The following ANK2 variants were observed in gnomAD, a reference collection of about 807,000 sequenced individuals.
ANK2 encodes the protein ankyrin-2.
A neutral mutation model predicts 360.5 loss-of-function variants in ANK2; 83 were observed. The ratio of observed to expected loss-of-function variants is 0.23; its 90% confidence interval spans 0.19 to 0.28. ANK2 has a LOEUF of 0.28. Among genes scored for constraint, ANK2 ranks in the 10% least tolerant of loss-of-function variants. The probability of loss-of-function intolerance (pLI) is 1.00; values close to 1 mark genes in which losing one functional copy is unlikely to be tolerated. For synonymous variants in ANK2, 1,740 were observed against 1,759.5 expected (o/e 0.99, Z 0.28); for missense variants, 4,201 against 4,795.7 (o/e 0.88, Z 3.66).
At chr4:113,325,834 A>G (rs1167390754) in intron 26 of ANK2, among the ~76,000 whole-genome samples, 1 of 152,224 alleles carries the variant, frequency 6.6e-6, no homozygotes, top group African/African-American at 2.4e-5. Context: ...TGTAACCTTA[A>G]GTGGTAACAG....
At chr4:112,781,323 C>G in the ANK2 span, among the ~76,000 whole-genome samples, 2 of 152,150 alleles carry the variant, frequency 1.3e-5, no homozygotes, top group Non-Finnish European at 2.9e-5. Context: ...TGCTCGTGAA[C>G]TCCAGACCTC....
chr4:113,165,034 T>A (rs1562548656), intron 1 of ANK2, among the ~76,000 whole-genome samples: 1 of 152,194 alleles, frequency 6.6e-6, no homozygotes, highest in African/African-American at 2.4e-5. Flanking sequence ...TGACCAGTGA[T>A]GATCCAAAAG....
At chr4:113,298,037 G>A (rs1329233585) in intron 22 of ANK2, among the ~76,000 whole-genome samples, 1 of 151,978 alleles carries the variant, frequency 6.6e-6, no homozygotes, top group East Asian at 1.9e-4. Context: ...CTCCCAAAAT[G>A]CTAGGATTAC....
intron 4 of ANK2, among the ~76,000 whole-genome samples, chr4:113,202,629 T>A (rs1355579441): frequency 6.6e-6 from 1 of 152,224 alleles, no homozygotes; most frequent in African/African-American, 2.4e-5. Context: ...ATTAAGAAGA[T>A]AACAAATTTT....
chr4:113,100,464 C>T (rs931216303), intron 1 of ANK2, among the ~76,000 whole-genome samples: 1 of 152,094 alleles, frequency 6.6e-6, no homozygotes, highest in Non-Finnish European at 1.5e-5. Flanking sequence ...AAATCCAAAA[C>T]ACTGGCAATA....
chr4:113,197,851 A>G (rs1168289142), intron 3 of ANK2, among the ~76,000 whole-genome samples: 1 of 152,196 alleles, frequency 6.6e-6, no homozygotes, highest in African/African-American at 2.4e-5. Context: ...CACATCAAAT[A>G]CATTTTAAAC....
In ANK2 at chr4:113,381,663, A is replaced by G. The variant is rs1297877792; in HGVS notation, c.*192A>G. 6.5e-7 allele frequency: 1 copy of G among 1,540,550 alleles called. No individual in the cohort carries two copies. Among genetic ancestry groups the G allele is most frequent in the Non-Finnish European group, 8.7e-7 (1 of 1,146,142 alleles). Reference sequence around the variant, plus strand: ...TGAGGGGCTGCCCAGTTCTCACACCAGAAACCACACATTCACTCAATATGC... The same window carrying G: ...TGAGGGGCTGCCCAGTTCTCACACCGGAAACCACACATTCACTCAATATGC... On this transcript the variant is annotated 3_prime_UTR_variant, in exon 46 of 46. Coordinates refer to ENST00000357077, the MANE Select transcript of ANK2 (RefSeq NM_001148.6).
At position 113,226,913 on chromosome 4, in the gene ANK2, T is replaced by C. The variant is rs184333621; in HGVS notation, c.385-5248T>C. On this transcript the variant is annotated intron_variant, in intron 4 of 45. Coordinates refer to ENST00000357077, the MANE Select transcript of ANK2 (RefSeq NM_001148.6). ...GCTGTGGATATCTTTGACTTTTTTA[T>C]ACCAAAAAGGAGAAAATGCATCTAT... Among the ~76,000 whole-genome samples, 4 of 152,310 alleles carry C rather than the reference T, an allele frequency of 2.6e-5. No individual in the cohort carries two copies. The South Asian group carries it at 6.2e-4, about 24-fold the overall frequency.
the ANK2 span, among the ~76,000 whole-genome samples, chr4:112,777,801 A>G: frequency 0.31 from 47,004 of 150,366 alleles, 7,479 homozygotes; most frequent in East Asian, 0.35. Flanking sequence ...TATTTTTAAT[A>G]GAGATGGGGT....
At position 113,356,335 on chromosome 4, in the gene ANK2, G is replaced by A. The variant is rs779438899; in HGVS notation, c.7717G>A (p.Asp2573Asn). The A allele has an allele frequency of 1.2e-6, 2 of 1,614,136 alleles. No homozygotes were observed. The highest frequency in any genetic ancestry group is 2.2e-5 in the South Asian group (2 of 91,074). ...AVIHECAEEDDSENGEKKRFT... is the reference protein window; with the variant it reads ...AVIHECAEEDNSENGEKKRFT... Reference sequence around the variant, plus strand: ...GATTCATGAATGTGCAGAGGAGGATGATTCAGAAAACGGGGAGAAAAAGAG... The same window carrying A: ...GATTCATGAATGTGCAGAGGAGGATAATTCAGAAAACGGGGAGAAAAAGAG... The change falls in exon 38 of 46, where the codon GAT (aspartate) becomes AAT (asparagine). Residue 2573 changes from aspartate to asparagine, a missense_variant. By Grantham distance (23) the Asp-to-Asn change is conservative. This residue lies in a region of ANK2 where 2,642 missense variants were observed against 2,714.5 expected (regional missense o/e 0.97). Transcript: ENST00000357077.
chr4:113,008,661 A>G (rs1561517105), intron 2 of ANK2, among the ~76,000 whole-genome samples: 1 of 152,090 alleles, frequency 6.6e-6, no homozygotes, highest in Non-Finnish European at 1.5e-5. Context: ...AATGTATCCA[A>G]ATTCTATTTG....
At chr4:113,323,512 A>G (rs372957960) in intron 26 of ANK2, among the ~76,000 whole-genome samples, 11 of 152,158 alleles carry the variant, frequency 7.2e-5, no homozygotes, top group African/African-American at 2.7e-4. Flanking sequence ...AAACGCCCTC[A>G]TAAGCCAATG....
At chr4:112,810,153 ATATATATTTTTTTTTT>A in the ANK2 span, among the ~76,000 whole-genome samples, 532 of 23,452 alleles carry the variant, frequency 0.023, 2 homozygotes, top group African/African-American at 0.086. Flanking sequence ...ATATATATAT[ATATATATTTTTTTTTT>A]TTTTTTTTTT....
At chr4:113,310,073 C>T (rs1254148314) in intron 23 of ANK2, among the ~76,000 whole-genome samples, 1 of 152,092 alleles carries the variant, frequency 6.6e-6, no homozygotes, top group Non-Finnish European at 1.5e-5. Context: ...TTTCTTCACC[C>T]TTATAAACCT....
At chr4:113,204,826 C>T (rs2098921058) in intron 4 of ANK2, among the ~76,000 whole-genome samples, 1 of 152,114 alleles carries the variant, frequency 6.6e-6, no homozygotes. Context: ...TTCCGCAAAG[C>T]TAGGCAACTA....
chr4:113,236,143 T>G (rs2099380642), intron 5 of ANK2, among the ~76,000 whole-genome samples: 1 of 152,182 alleles, frequency 6.6e-6, no homozygotes, highest in African/African-American at 2.4e-5. Context: ...TAAGGATGTT[T>G]TTTTTTTCTT....
chr4:112,891,005 C>G (rs909877809), intron 1 of ANK2, among the ~76,000 whole-genome samples: 2 of 152,156 alleles, frequency 1.3e-5, no homozygotes, highest in African/African-American at 4.8e-5. Flanking sequence ...CAAAGAATAA[C>G]TAATCATCTA....
intron 2 of ANK2, among the ~76,000 whole-genome samples, chr4:112,967,088 A>G (rs1213660770): frequency 6.6e-6 from 1 of 152,196 alleles, no homozygotes; most frequent in Non-Finnish European, 1.5e-5. Context: ...TGATCCCTTG[A>G]TGAAATAAAT....
chr4:113,286,227 G>T (rs2153725430), intron 18 of ANK2, among the ~76,000 whole-genome samples: 1 of 152,260 alleles, frequency 6.6e-6, no homozygotes, highest in South Asian at 2.1e-4. Flanking sequence ...AATTAAGAAA[G>T]AATCTTGTTT....
Sources: allele counts gnomAD v4.1 joint callset (sites outside exome capture counted in the v4.1 genomes callset), GRCh38; gene constraint gnomAD v4.1.1; regional missense constraint gnomAD v4.1.1; transcripts MANE v1.5; gene names NCBI Gene and HGNC (gene_info 2026-07-23, HGNC 2026-07-21).